Variants in AGTR1 observed in about 807,000 individuals in gnomAD.
AGTR1 encodes angiotensin II receptor type 1, also known as type-1 angiotensin II receptor.
Under a neutral mutation model 19.4 loss-of-function variants are expected in AGTR1, and 16 were observed. The observed-to-expected ratio is 0.82, with a 90% CI of 0.56 to 1.25. The LOEUF is 1.25. AGTR1 is among the 50% of genes most tolerant of loss of function. AGTR1 has a pLI of 0.00. For missense variants in AGTR1, 373 were observed against 431.9 expected, an observed-to-expected ratio of 0.86 and a Z score of 1.21; for synonymous variants, 153 against 154.9, an observed-to-expected ratio of 0.99 and a Z score of 0.09.
chr3:148,722,837 C>T (rs1713722840), intron 2 of AGTR1, among the ~76,000 whole-genome samples: 1 of 152,194 alleles, frequency 6.6e-6, no homozygotes, highest in Non-Finnish European at 1.5e-5. Flanking sequence ...ATATGGAAGT[C>T]AGCATTTTTG....
At chr3:148,710,897 C>A (rs1036655801) in intron 2 of AGTR1, among the ~76,000 whole-genome samples, 2 of 151,994 alleles carry the variant, frequency 1.3e-5, no homozygotes, top group African/African-American at 4.8e-5. Flanking sequence ...TGTGACACCT[C>A]CCCCCTCTCT....
intron 2 of AGTR1, among the ~76,000 whole-genome samples, chr3:148,726,488 T>C (rs1027332165): frequency 6.6e-5 from 10 of 152,218 alleles, no homozygotes; most frequent in African/African-American, 2.4e-4. Context: ...ATTACAGGCG[T>C]GAGCCAACAT....
chr3:148,700,716 C>T (rs1260149632), intron 1 of AGTR1, among the ~76,000 whole-genome samples: 1 of 152,156 alleles, frequency 6.6e-6, no homozygotes, highest in Non-Finnish European at 1.5e-5. Flanking sequence ...AATATGGAGC[C>T]AGAGCAACAC....
In AGTR1 at chr3:148,730,726, C is replaced by T. The variant is rs1000982836; in HGVS notation, c.-47-10263C>T. On this transcript the variant is annotated intron_variant, in intron 2 of 2. Coordinates refer to ENST00000349243, the MANE Select transcript of AGTR1 (RefSeq NM_000685.5). Reference sequence around the variant, plus strand: ...GGAGGGCTCATTAAAAACAGCTTGCCGAACCCCACCCACAGAGTTTCTGAT... The same window carrying T: ...GGAGGGCTCATTAAAAACAGCTTGCTGAACCCCACCCACAGAGTTTCTGAT... 1.1e-4 allele frequency among the ~76,000 whole-genome samples: 17 copies of T among 152,164 alleles called. No homozygotes were observed. In the East Asian group the frequency reaches 2.5e-3, roughly 22 times the overall value.
At chr3:148,705,246 C>G (rs1307118412) in intron 1 of AGTR1, among the ~76,000 whole-genome samples, 1 of 152,104 alleles carries the variant, frequency 6.6e-6, no homozygotes, top group East Asian at 1.9e-4. Context: ...GAAAAATTCT[C>G]GTAGCATAGC....
chr3:148,698,288 CCA>C (rs1401999203), intron 1 of AGTR1, 161 bp downstream of exon 1: 1 of 152,486 alleles, frequency 6.6e-6, no homozygotes, highest in Non-Finnish European at 1.5e-5. Flanking sequence ...CTGGAGCTGG[CCA>C]CACTTTCCCA....
intron 2 of AGTR1, among the ~76,000 whole-genome samples, chr3:148,739,557 AC>A (rs1218970274): frequency 2.6e-5 from 4 of 152,210 alleles, no homozygotes; most frequent in Non-Finnish European, 4.4e-5. Flanking sequence ...AGGACATGCA[AC>A]CAAAAACTTA....
At position 148,742,272 on chromosome 3, in the gene AGTR1, C is replaced by A. The variant is rs565849060; in HGVS notation, c.*157C>A. 5 of 1,077,502 alleles carry A rather than the reference C, an allele frequency of 4.6e-6. No homozygotes were observed. The South Asian group carries it at 6.3e-5, about 14-fold the overall frequency. The allele number at this position is 1,077,502 out of a possible 1,614,324, so 66.7% of individuals were successfully genotyped here. ...GAACCGACTTTTCTAAAGCTCTGAA[C>A]AAAAGCTTTTCTTTCCTTTTGCAAC... On this transcript the variant is annotated 3_prime_UTR_variant, in exon 3 of 3. Transcript: ENST00000349243.
In AGTR1 at chr3:148,714,035, A is replaced by T. The variant is rs1713147997; in HGVS notation, c.-48+6008A>T. On this transcript the variant is annotated intron_variant, in intron 2 of 2. Transcript: ENST00000349243. The stretch of plus-strand genomic sequence containing the variant: ...TGCCTCTAGAATAAGAATATCAAAG[A>T]AATGTCATGATGATAGGAATACTAC... 2.0e-5 allele frequency among the ~76,000 whole-genome samples: 3 copies of T among 152,188 alleles called. No individual in the cohort carries two copies. The South Asian group carries it at 6.2e-4, about 32-fold the overall frequency.
chr3:148,705,060 C>A (rs372661671), intron 1 of AGTR1, among the ~76,000 whole-genome samples: 1 of 152,154 alleles, frequency 6.6e-6, no homozygotes, highest in African/African-American at 2.4e-5. Flanking sequence ...GGCAGAGTTT[C>A]TTAGTACTAA....
At chr3:148,739,878 C>T (rs1559933257) in intron 2 of AGTR1, 1 of 1,231,920 alleles carries the variant, frequency 8.1e-7, no homozygotes, top group Non-Finnish European at 1.0e-6. Flanking sequence ...TCTGTGTGCC[C>T]AGCACCACTG....
chr3:148,732,654 C>T (rs1293164701), intron 2 of AGTR1, among the ~76,000 whole-genome samples: 2 of 150,896 alleles, frequency 1.3e-5, no homozygotes, highest in African/African-American at 4.9e-5. Flanking sequence ...CTCTACTTGT[C>T]AAGCAATTTT....
intron 2 of AGTR1, among the ~76,000 whole-genome samples, chr3:148,715,659 A>G (rs775555396): frequency 6.6e-6 from 1 of 152,172 alleles, no homozygotes; most frequent in Non-Finnish European, 1.5e-5. Context: ...AATAAATGCC[A>G]TTATTCTTGC....
At chr3:148,739,783 C>T (rs1559933224) in intron 2 of AGTR1, 1 of 1,231,462 alleles carries the variant, frequency 8.1e-7, no homozygotes, top group Non-Finnish European at 1.0e-6. Flanking sequence ...CTTATTTCTG[C>T]TCCTCTTTTT....
At chr3:148,720,988 C>G (rs550079423) in intron 2 of AGTR1, among the ~76,000 whole-genome samples, 3 of 152,200 alleles carry the variant, frequency 2.0e-5, no homozygotes, top group African/African-American at 7.2e-5. Context: ...GTGCTATAAT[C>G]CTGTGTAGGT....
intron 2 of AGTR1, among the ~76,000 whole-genome samples, chr3:148,732,475 G>C (rs1714321399): frequency 1.3e-5 from 2 of 152,078 alleles, no homozygotes; most frequent in African/African-American, 4.8e-5. Context: ...TATTCATCTT[G>C]AGTAAACAGT....
intron 1 of AGTR1, among the ~76,000 whole-genome samples, chr3:148,702,698 C>T (rs916023971): frequency 2.6e-5 from 4 of 152,178 alleles, no homozygotes; most frequent in Admixed American, 6.5e-5. Context: ...TTCCCCTCCT[C>T]GTGAGATTAT....
chr3:148,723,313 G>A (rs918000718), intron 2 of AGTR1, among the ~76,000 whole-genome samples: 1 of 152,082 alleles, frequency 6.6e-6, no homozygotes, highest in African/African-American at 2.4e-5. Flanking sequence ...CACTTGATAA[G>A]AACTATTCAA....
chr3:148,737,048 A>G lies in AGTR1; in HGVS notation c.-47-3941A>G, dbSNP rs907023899. Among the ~76,000 whole-genome samples, 6 of 152,186 alleles carry G rather than the reference A, an allele frequency of 3.9e-5. No homozygotes were observed. In the East Asian group the frequency reaches 9.7e-4, roughly 24 times the overall value. On this transcript the variant is annotated intron_variant, in intron 2 of 2. Coordinates refer to ENST00000349243, the MANE Select transcript of AGTR1 (RefSeq NM_000685.5). Reference sequence around the variant, plus strand: ...AGAAAAAAGAGCCCTACTGTTTCCCACTCATTTATCATCAATCTAAAGTAA... The same window carrying G: ...AGAAAAAAGAGCCCTACTGTTTCCCGCTCATTTATCATCAATCTAAAGTAA...
Sources: allele counts gnomAD v4.1 joint callset (sites outside exome capture counted in the v4.1 genomes callset), GRCh38; gene constraint gnomAD v4.1.1; transcripts MANE v1.5; gene names NCBI Gene and HGNC (gene_info 2026-07-23, HGNC 2026-07-21).